GARIN3: variants seen among roughly 807,000 people sequenced by gnomAD.
GARIN3 encodes Golgi-associated RAB2 interactor protein 3.
the GARIN3 span, chr5:157,162,838 G>C: frequency 6.2e-7 from 1 of 1,614,078 alleles, no homozygotes. Flanking sequence ...GTCATCTCTC[G>C]TGTTTTTATG....
chr5:157,165,713 C>A, the GARIN3 span: 4 of 1,614,190 alleles, frequency 2.5e-6, no homozygotes, highest in Non-Finnish European at 2.5e-6. Context: ...GACACAACTG[C>A]AGATAAAAAG....
the GARIN3 span, among the ~76,000 whole-genome samples, chr5:157,164,161 T>C: frequency 3.4e-5 from 5 of 148,382 alleles, no homozygotes; most frequent in Non-Finnish European, 1.5e-5. Context: ...TTTTTTTTTT[T>C]TTTTTTGAGA....
At chr5:157,162,888 G>A in the GARIN3 span, 1 of 1,614,068 alleles carries the variant, frequency 6.2e-7, no homozygotes, top group Non-Finnish European at 8.5e-7. Flanking sequence ...TCTGATTCTT[G>A]TCCCCCGCTC....
chr5:157,163,633 T>A, the GARIN3 span: 2 of 1,613,724 alleles, frequency 1.2e-6, no homozygotes, highest in East Asian at 2.2e-5. Context: ...CTCACTCTGA[T>A]CCCCTTCTCT....
At chr5:157,162,658 G>T in the GARIN3 span, 1 of 1,614,164 alleles carries the variant, frequency 6.2e-7, no homozygotes, top group African/African-American at 1.3e-5. Context: ...CCTTAAAAAA[G>T]AGCTGATCTT....
At chr5:157,162,289 C>G in the GARIN3 span, 1 of 1,138,382 alleles carries the variant, frequency 8.8e-7, no homozygotes, top group Non-Finnish European at 1.2e-6. Context: ...ACTGTGAGGT[C>G]ACCACCAGGC....
the GARIN3 span, chr5:157,165,840 C>T: frequency 6.2e-7 from 1 of 1,614,110 alleles, no homozygotes; most frequent in Non-Finnish European, 8.5e-7. Context: ...GGGCCTGCGA[C>T]CTCTCCCCTT....
At chr5:157,166,095 A>G in the GARIN3 span, 4 of 1,614,192 alleles carry the variant, frequency 2.5e-6, no homozygotes, top group South Asian at 1.1e-5. Flanking sequence ...CAGGTCCCCC[A>G]TGGAGGTTTT....
chr5:157,165,363 T>G, the GARIN3 span, among the ~76,000 whole-genome samples: 1 of 152,148 alleles, frequency 6.6e-6, no homozygotes, highest in East Asian at 1.9e-4. Flanking sequence ...TCTCTGAAAT[T>G]CAGCCTTATG....
the GARIN3 span, chr5:157,165,680 A>G: frequency 6.2e-7 from 1 of 1,614,048 alleles, no homozygotes; most frequent in Non-Finnish European, 8.5e-7. Flanking sequence ...AGCAAAAGAG[A>G]TCTTCCCGTG....
the GARIN3 span, chr5:157,163,546 G>A: frequency 2.5e-6 from 4 of 1,614,064 alleles, no homozygotes; most frequent in Non-Finnish European, 3.4e-6. Context: ...TCCGTGGGAG[G>A]CATGTTGGAT....
chr5:157,162,973 C>A, the GARIN3 span: 4 of 1,614,106 alleles, frequency 2.5e-6, no homozygotes, highest in Non-Finnish European at 3.4e-6. Context: ...CTTTTCTCTT[C>A]TTTCCTTGTT....
chr5:157,165,528 C>T, the GARIN3 span: 3 of 1,568,008 alleles, frequency 1.9e-6, no homozygotes, highest in East Asian at 2.2e-5. Flanking sequence ...CCCCAAAGAA[C>T]CTGCCCCATG....
At chr5:157,163,120 G>A in the GARIN3 span, 1 of 1,614,206 alleles carries the variant, frequency 6.2e-7, no homozygotes, top group Non-Finnish European at 8.5e-7. Flanking sequence ...ACACTTGCTG[G>A]TCGTAATACT....
the GARIN3 span, chr5:157,162,937 CTTTTCCTACTGGGAT>C: frequency 1.9e-6 from 3 of 1,614,206 alleles, no homozygotes; most frequent in Non-Finnish European, 1.7e-6. Flanking sequence ...GTGATGAGAA[CTTTTCCTACTGGGAT>C]GTCTGTCCTT....
the GARIN3 span, chr5:157,165,914 G>A: frequency 1.4e-5 from 22 of 1,614,058 alleles, no homozygotes; most frequent in African/African-American, 2.7e-5. Flanking sequence ...GAACCATGAC[G>A]TCAGGCAGTG....
At chr5:157,162,858 G>C in the GARIN3 span, 1 of 1,614,104 alleles carries the variant, frequency 6.2e-7, no homozygotes, top group Non-Finnish European at 8.5e-7. Flanking sequence ...GGCCAGATGC[G>C]GACCGGTGGG....
At chr5:157,166,227 G>A in the GARIN3 span, 23 of 1,555,894 alleles carry the variant, frequency 1.5e-5, no homozygotes, top group Middle Eastern at 1.7e-4. Context: ...AGAGAGAGAC[G>A]GAGAGAAGGT....
the GARIN3 span, chr5:157,163,777 C>G: frequency 7.3e-6 from 10 of 1,365,456 alleles, no homozygotes; most frequent in African/African-American, 1.5e-5. Flanking sequence ...GAACCTGGGT[C>G]GGGTGTGGTG....
Sources: allele counts gnomAD v4.1 joint callset (sites outside exome capture counted in the v4.1 genomes callset), GRCh38; gene constraint gnomAD v4.1.1; transcripts MANE v1.5; gene names NCBI Gene and HGNC (gene_info 2026-07-23, HGNC 2026-07-21).